Variants in BTRC observed in about 807,000 individuals in gnomAD.
BTRC encodes F-box/WD repeat-containing protein 1A.
In BTRC, 42 loss-of-function variants were observed where a neutral mutation model predicts 85.5. That is an observed-to-expected ratio of 0.49 (90% CI 0.38 to 0.64). The LOEUF (loss-of-function observed/expected upper bound fraction) is 0.64. BTRC is among the 30% of genes least tolerant of loss of function. The pLI is 0.00. For missense variants in BTRC, 594 were observed against 743.5 expected, an observed-to-expected ratio of 0.80 and a Z score of 2.34; for synonymous variants, 255 against 263.3, an observed-to-expected ratio of 0.97 and a Z score of 0.30.
chr10:101,485,488 C>A (rs1945958674), intron 4 of BTRC, among the ~76,000 whole-genome samples: 1 of 152,216 alleles, frequency 6.6e-6, no homozygotes, highest in African/African-American at 2.4e-5. Context: ...AGTGCTGATT[C>A]TGGATGGCCC....
intron 4 of BTRC, among the ~76,000 whole-genome samples, chr10:101,506,943 C>T (rs569878976): frequency 1.3e-5 from 2 of 152,292 alleles, no homozygotes; most frequent in Non-Finnish European, 2.9e-5. Context: ...GAGCAAAATT[C>T]TCTTGCTTTG....
At chr10:101,377,188 A>G (rs894663223) in intron 1 of BTRC, among the ~76,000 whole-genome samples, 2 of 152,130 alleles carry the variant, frequency 1.3e-5, no homozygotes, top group African/African-American at 4.8e-5. Flanking sequence ...CGTTCAGCAT[A>G]ATGCCTTTGA....
At chr10:101,371,171 TTTTG>T (rs1942624498) in intron 1 of BTRC, among the ~76,000 whole-genome samples, 1 of 144,504 alleles carries the variant, frequency 6.9e-6, no homozygotes, top group African/African-American at 2.5e-5. Flanking sequence ...ATTCTTTTTT[TTTTG>T]TTTGTTTGGT....
At chr10:101,390,202 T>C (rs994324982) in intron 1 of BTRC, among the ~76,000 whole-genome samples, 2 of 152,226 alleles carry the variant, frequency 1.3e-5, no homozygotes, top group Non-Finnish European at 2.9e-5. Flanking sequence ...ACTTTCTTTT[T>C]TTTCATTTTG....
intron 4 of BTRC, among the ~76,000 whole-genome samples, chr10:101,513,676 CT>C (rs1422677099): frequency 6.6e-6 from 1 of 152,100 alleles, no homozygotes; most frequent in African/African-American, 2.4e-5. Context: ...ACCAGTTAAT[CT>C]TTTGATGGAC....
intron 1 of BTRC, among the ~76,000 whole-genome samples, chr10:101,366,985 T>TATATAA (rs1942458787): frequency 1.5e-5 from 1 of 65,892 alleles, no homozygotes; most frequent in Admixed American, 2.8e-4. Context: ...TTTATATATT[T>TATATAA]ATATATATTA....
chr10:101,532,555 T>G (rs1330268155), intron 8 of BTRC, 123 bp downstream of exon 8: 1 of 1,311,220 alleles, frequency 7.6e-7, no homozygotes, highest in African/African-American at 1.5e-5. Flanking sequence ...TTAGATTGTT[T>G]CCAGTCCCAA....
intron 13 of BTRC, among the ~76,000 whole-genome samples, chr10:101,539,058 A>G (rs1309302866): frequency 6.6e-6 from 1 of 151,920 alleles, no homozygotes; most frequent in Non-Finnish European, 1.5e-5. Context: ...TTAAAAAAAA[A>G]AAAAAACTGC....
intron 1 of BTRC, among the ~76,000 whole-genome samples, chr10:101,368,904 A>T (rs1402169021): frequency 6.6e-6 from 1 of 152,124 alleles, no homozygotes; most frequent in Non-Finnish European, 1.5e-5. Context: ...CTGTAATCCC[A>T]GCTACTCAGG....
At chr10:101,530,292 G>A (rs1192967643) in intron 6 of BTRC, among the ~76,000 whole-genome samples, 2 of 152,028 alleles carry the variant, frequency 1.3e-5, no homozygotes, top group East Asian at 3.9e-4. Context: ...GCTGCTGCTG[G>A]ACACACCTGT....
intron 1 of BTRC, among the ~76,000 whole-genome samples, chr10:101,368,691 G>C (rs1301850383): frequency 6.6e-6 from 1 of 152,008 alleles, no homozygotes; most frequent in Non-Finnish European, 1.5e-5. Context: ...GGGAGTCCCA[G>C]TTGCTGAACA....
At chr10:101,374,019 A>T (rs1250591960) in intron 1 of BTRC, among the ~76,000 whole-genome samples, 1 of 151,834 alleles carries the variant, frequency 6.6e-6, no homozygotes, top group Non-Finnish European at 1.5e-5. Context: ...TTAGATGGAG[A>T]TTATATATTA....
At chr10:101,467,643 T>A (rs1035658386) in intron 3 of BTRC, among the ~76,000 whole-genome samples, 1 of 152,090 alleles carries the variant, frequency 6.6e-6, no homozygotes, top group South Asian at 2.1e-4. Flanking sequence ...TTTTTTTTAC[T>A]CTATAAAACT....
chr10:101,437,114 TAATA>T (rs975317027), intron 2 of BTRC, among the ~76,000 whole-genome samples: 3 of 152,204 alleles, frequency 2.0e-5, no homozygotes, highest in African/African-American at 7.2e-5. Flanking sequence ...AATTTCTGTA[TAATA>T]AATGTAGTTA....
chr10:101,378,689 T>A (rs1024516624), intron 1 of BTRC, among the ~76,000 whole-genome samples: 1 of 151,960 alleles, frequency 6.6e-6, no homozygotes, highest in Non-Finnish European at 1.5e-5. Context: ...CACGCCCGGC[T>A]AATTTTTGTA....
intron 11 of BTRC, 147 bp from the exon 12 acceptor site, chr10:101,536,396 A>G: frequency 1.9e-6 from 1 of 518,502 alleles, no homozygotes; most frequent in Non-Finnish European, 3.5e-6. Context: ...AAGGAAATAA[A>G]TTACATTGAA....
intron 4 of BTRC, among the ~76,000 whole-genome samples, chr10:101,502,800 T>C (rs1008553271): frequency 2.0e-5 from 3 of 152,316 alleles, no homozygotes; most frequent in East Asian, 1.9e-4. Flanking sequence ...TGAAAACTTA[T>C]GTGATAATCT....
intron 4 of BTRC, among the ~76,000 whole-genome samples, chr10:101,510,467 G>A (rs1165442838): frequency 2.0e-5 from 3 of 150,962 alleles, no homozygotes; most frequent in South Asian, 2.1e-4. Context: ...CCGAGATCGC[G>A]CCACTGCACT....
chr10:101,393,759 AG>A (rs1943295596), intron 1 of BTRC, among the ~76,000 whole-genome samples: 1 of 152,192 alleles, frequency 6.6e-6, no homozygotes, highest in African/African-American at 2.4e-5. Context: ...CCCACCCTGG[AG>A]GATCATCTTG....
Sources: allele counts gnomAD v4.1 joint callset (sites outside exome capture counted in the v4.1 genomes callset), GRCh38; gene constraint gnomAD v4.1.1; transcripts MANE v1.5; gene names NCBI Gene and HGNC (gene_info 2026-07-23, HGNC 2026-07-21).